Variants in CLSTN2 observed in about 807,000 individuals in gnomAD.
CLSTN2 encodes the protein calsyntenin-2.
Under a neutral mutation model 101.2 loss-of-function variants are expected in CLSTN2, and 48 were observed. That is an observed-to-expected ratio of 0.47 (90% CI 0.38 to 0.60). The LOEUF is 0.60. Among genes scored for constraint, CLSTN2 ranks in the 20% least tolerant of loss-of-function variants. CLSTN2 has a pLI of 0.00. For missense variants in CLSTN2, 1,160 were observed against 1,238.2 expected, an observed-to-expected ratio of 0.94 and a Z score of 0.95; for synonymous variants, 481 against 463.6, an observed-to-expected ratio of 1.04 and a Z score of -0.48.
intron 1 of CLSTN2, among the ~76,000 whole-genome samples, chr3:140,010,907 C>A (rs2007059603): frequency 6.6e-6 from 1 of 152,224 alleles, no homozygotes. Flanking sequence ...CTTTTATATT[C>A]TAGATCTGGT....
chr3:139,995,977 G>A (rs2006643965), intron 1 of CLSTN2, among the ~76,000 whole-genome samples: 1 of 152,150 alleles, frequency 6.6e-6, no homozygotes, highest in Non-Finnish European at 1.5e-5. Context: ...ATAAACACTT[G>A]TGAACCTATA....
intron 9 of CLSTN2, among the ~76,000 whole-genome samples, chr3:140,544,508 G>A (rs1935547452): frequency 6.6e-6 from 1 of 152,148 alleles, no homozygotes; most frequent in South Asian, 2.1e-4. Flanking sequence ...CACCAATTAA[G>A]TTAGAATCCC....
chr3:140,358,608 G>C (rs1010602642), intron 2 of CLSTN2, among the ~76,000 whole-genome samples: 4 of 152,050 alleles, frequency 2.6e-5, no homozygotes, highest in Admixed American at 6.6e-5. Context: ...TCTCTGCACA[G>C]ACCTAGAAGG....
rs539444858 is a variant in CLSTN2, at chr3:140,338,214, C to A, written c.233-65415C>A. On this transcript the variant is annotated intron_variant, in intron 2 of 16. Transcript: ENST00000458420. ...GACTGATCTCTCTCTCTCTCTTTCTCTTTGTGCTCCCCTCTCCTTTAAGAA... is the reference window on the plus strand; with the variant it reads ...GACTGATCTCTCTCTCTCTCTTTCTATTTGTGCTCCCCTCTCCTTTAAGAA... Among the ~76,000 whole-genome samples the A allele has an allele frequency of 7.9e-5, 12 of 152,294 alleles. No homozygotes were observed. In the South Asian group the frequency reaches 2.5e-3, roughly 32 times the overall value.
chr3:140,079,742 CTA>C (rs2008554449), intron 1 of CLSTN2, among the ~76,000 whole-genome samples: 1 of 121,530 alleles, frequency 8.2e-6, no homozygotes, highest in Admixed American at 7.7e-5. Context: ...CAGAGTGAGA[CTA>C]TGTCTCAAAA....
At chr3:139,974,294 G>C (rs1469950145) in intron 1 of CLSTN2, among the ~76,000 whole-genome samples, 1 of 152,188 alleles carries the variant, frequency 6.6e-6, no homozygotes, top group Non-Finnish European at 1.5e-5. Context: ...TGGAGCCATA[G>C]GGCAAGGACT....
intron 1 of CLSTN2, among the ~76,000 whole-genome samples, chr3:140,162,918 A>G (rs761425371): frequency 1.6e-4 from 24 of 152,238 alleles, no homozygotes; most frequent in Non-Finnish European, 2.4e-4. Context: ...CAAAGTTGGT[A>G]GCATAAGCCA....
chr3:140,448,240 T>TGTGTGC (rs1181899775), intron 5 of CLSTN2, among the ~76,000 whole-genome samples: 1 of 146,214 alleles, frequency 6.8e-6, no homozygotes, highest in Non-Finnish European at 1.5e-5. Flanking sequence ...TGTGTGTGTG[T>TGTGTGC]GTGCTCATGT....
At chr3:140,273,004 A>T (rs972463417) in intron 2 of CLSTN2, among the ~76,000 whole-genome samples, 2 of 152,140 alleles carry the variant, frequency 1.3e-5, no homozygotes, top group Non-Finnish European at 2.9e-5. Context: ...TGATCATTTG[A>T]TATATTCAGA....
rs114819786 is a variant in CLSTN2 at position 139,980,606 on chromosome 3, T to G, written c.109+45123T>G. Among the ~76,000 whole-genome samples, 442 of 152,202 alleles carry G rather than the reference T, an allele frequency of 2.9e-3. 4 individuals are homozygous for G. The highest frequency in any genetic ancestry group is 0.01 in the African/African-American group (421 of 41,554). On this transcript the variant is annotated intron_variant, in intron 1 of 16. Transcript: ENST00000458420. ...CTCTTTCCTTCTCTTGCTTTACATTTCTTCATAGTACTTACCGATTCTACA... is the reference window on the plus strand; with the variant it reads ...CTCTTTCCTTCTCTTGCTTTACATTGCTTCATAGTACTTACCGATTCTACA...
At chr3:140,008,883 A>G (rs943922548) in intron 1 of CLSTN2, among the ~76,000 whole-genome samples, 2 of 152,228 alleles carry the variant, frequency 1.3e-5, no homozygotes, top group Non-Finnish European at 2.9e-5. Context: ...GGATGATACC[A>G]TCAGTCCCCC....
intron 8 of CLSTN2, among the ~76,000 whole-genome samples, chr3:140,499,673 A>ATACT (rs1165100998): frequency 6.6e-6 from 1 of 152,086 alleles, no homozygotes; most frequent in Non-Finnish European, 1.5e-5. Flanking sequence ...CCATCCTCAA[A>ATACT]TACTTCTCAC....
At chr3:140,288,253 A>C (rs552230743) in intron 2 of CLSTN2, among the ~76,000 whole-genome samples, 2 of 152,290 alleles carry the variant, frequency 1.3e-5, no homozygotes, top group East Asian at 3.9e-4. Flanking sequence ...TTTATGAAAG[A>C]AAGTAGGGTG....
chr3:139,935,198 G>T lies in CLSTN2; in HGVS notation c.-177G>T. 3.0e-6 allele frequency: 1 copy of T among 330,654 alleles called. No individual in the cohort carries two copies. 20.5% of individuals were successfully genotyped at this position (330,654 alleles called of 1,614,324 possible). A position where few individuals can be genotyped will look rare whatever the true frequency, so the allele number is the denominator to read the frequency against. ...CGGGTCCGCGCCAGTGAGCGCGGCT[G>T]CTGCCGGCGAGCTAGCGGCGCAGCG... is the stretch of plus-strand genomic sequence containing the variant. On this transcript the variant is annotated 5_prime_UTR_variant, in exon 1 of 17. Coordinates refer to ENST00000458420, the MANE Select transcript of CLSTN2 (RefSeq NM_022131.3). This position sits in a 1 kb window ranked among gnomAD's most constrained non-coding sequence, Gnocchi z 5.5.
chr3:140,017,642 G>T (rs1450172127), intron 1 of CLSTN2, among the ~76,000 whole-genome samples: 3 of 152,212 alleles, frequency 2.0e-5, no homozygotes, highest in Non-Finnish European at 4.4e-5. Flanking sequence ...GAGTTGGGCA[G>T]CGGGGCCCAT....
intron 2 of CLSTN2, among the ~76,000 whole-genome samples, chr3:140,372,239 C>T (rs1179798769): frequency 2.0e-5 from 3 of 152,180 alleles, no homozygotes; most frequent in African/African-American, 7.2e-5. Context: ...GAGATGGCCT[C>T]CTGATCCCCG....
intron 2 of CLSTN2, among the ~76,000 whole-genome samples, chr3:140,233,754 G>C (rs1351757639): frequency 6.6e-6 from 1 of 152,078 alleles, no homozygotes; most frequent in Non-Finnish European, 1.5e-5. Context: ...GCATCCAGCT[G>C]GTTTTTTAAT....
intron 1 of CLSTN2, among the ~76,000 whole-genome samples, chr3:139,965,846 A>G (rs1012265332): frequency 6.6e-6 from 1 of 152,054 alleles, no homozygotes; most frequent in African/African-American, 2.4e-5. Context: ...ATGCCCACTC[A>G]TTTGTTTTCC....
chr3:140,169,286 T>A (rs867291384), intron 1 of CLSTN2, among the ~76,000 whole-genome samples: 1 of 152,174 alleles, frequency 6.6e-6, no homozygotes, highest in Admixed American at 6.5e-5. Flanking sequence ...AAATTTCCAA[T>A]TGTTGATTTC....
Sources: gnomAD v4.1 joint callset for allele counts (sites outside exome capture counted in the v4.1 genomes callset) on GRCh38, gnomAD v4.1.1 for gene constraint, Gnocchi (gnomAD v3.1) non-coding constraint, MANE v1.5 for transcripts, NCBI Gene and HGNC (gene_info 2026-07-23, HGNC 2026-07-21) for gene names.